The following SCFD2 variants were observed in gnomAD, a reference collection of about 807,000 sequenced individuals.
SCFD2 encodes the protein sec1 family domain-containing protein 2.
SCFD2 carries 54 observed loss-of-function variants against 58.9 expected under a neutral mutation model. The ratio of observed to expected loss-of-function variants is 0.92; its 90% CI spans 0.74 to 1.15. The LOEUF is 1.15. Among genes scored for constraint, SCFD2 ranks in the 50% most tolerant of loss-of-function variants. The probability of loss-of-function intolerance (pLI) is 0.00; values close to 1 mark genes in which losing one functional copy is unlikely to be tolerated. For missense variants in SCFD2, 805 were observed against 836.6 expected, an observed-to-expected ratio of 0.96 and a Z score of 0.47; for synonymous variants, 321 against 335.9, an observed-to-expected ratio of 0.96 and a Z score of 0.49.
chr4:52,997,160 T>A (rs1721759127), intron 5 of SCFD2, among the ~76,000 whole-genome samples: 1 of 152,140 alleles, frequency 6.6e-6, no homozygotes, highest in African/African-American at 2.4e-5. Flanking sequence ...GTCCTGGAAA[T>A]CTTTAGGACT....
In SCFD2 at chr4:53,109,658, A is replaced by T. The variant is rs576688266; in HGVS notation, c.1561+35675T>A. 6.0e-4 allele frequency among the ~76,000 whole-genome samples: 91 copies of T among 152,312 alleles called. 2 individuals carry two copies. Among genetic ancestry groups the T allele is most frequent in the Admixed American group, 5.4e-3 (83 of 15,292 alleles). ...TATAAAATACCTAGGAATACAACTC[A>T]CAACGAATGTGAAGGACGTCTTCAA... is the stretch of plus-strand genomic sequence containing the variant. On this transcript the variant is annotated intron_variant, in intron 5 of 8. Transcript: ENST00000401642.
At chr4:53,318,502 T>C (rs963260864) in intron 2 of SCFD2, among the ~76,000 whole-genome samples, 1 of 152,162 alleles carries the variant, frequency 6.6e-6, no homozygotes, top group South Asian at 2.1e-4. Flanking sequence ...TACAGACAGA[T>C]GAAAAATCTA....
At chr4:53,155,553 C>T (rs916399374) in intron 4 of SCFD2, among the ~76,000 whole-genome samples, 3 of 152,192 alleles carry the variant, frequency 2.0e-5, no homozygotes, top group African/African-American at 4.8e-5. Context: ...GGGCTCAATA[C>T]GTACTTGCTG....
intron 5 of SCFD2, among the ~76,000 whole-genome samples, chr4:53,011,065 A>AAT (rs1722083185): frequency 6.6e-6 from 1 of 152,180 alleles, no homozygotes; most frequent in Non-Finnish European, 1.5e-5. Flanking sequence ...GTCTGATTTC[A>AAT]TATTTTACAT....
intron 5 of SCFD2, among the ~76,000 whole-genome samples, chr4:53,142,920 G>A (rs1251204934): frequency 1.3e-5 from 2 of 152,132 alleles, no homozygotes; most frequent in Non-Finnish European, 2.9e-5. Context: ...CCTGTTTAAA[G>A]TGTATATCCA....
chr4:52,930,111 A>C (rs1304563249), intron 5 of SCFD2, among the ~76,000 whole-genome samples: 1 of 152,194 alleles, frequency 6.6e-6, no homozygotes, highest in African/African-American at 2.4e-5. Flanking sequence ...ACTATACTAC[A>C]AGACTACAGT....
chr4:53,047,007 T>C (rs1183117469), intron 5 of SCFD2, among the ~76,000 whole-genome samples: 1 of 152,200 alleles, frequency 6.6e-6, no homozygotes, highest in African/African-American at 2.4e-5. Flanking sequence ...GTAGTAATTA[T>C]TTTCCCAAGT....
chr4:53,153,898 C>G (rs1434375112), intron 4 of SCFD2, among the ~76,000 whole-genome samples: 1 of 152,212 alleles, frequency 6.6e-6, no homozygotes, highest in East Asian at 1.9e-4. Context: ...TCTTGCATAA[C>G]ATGAGTGACC....
chr4:53,129,473 T>C lies in SCFD2; in HGVS notation c.1561+15860A>G, dbSNP rs1342800551. 3.9e-5 allele frequency among the ~76,000 whole-genome samples: 6 copies of C among 152,220 alleles called. No homozygotes were observed. In the South Asian group the frequency reaches 6.2e-4, roughly 16 times the overall value. ...ATCAATATCAGCATGGTTGCACACA[T>C]ACATTCTCCTTCTGGCTTTAAAAAT... is the stretch of plus-strand genomic sequence containing the variant. On this transcript the variant is annotated intron_variant, in intron 5 of 8. Transcript: ENST00000401642.
intron 5 of SCFD2, among the ~76,000 whole-genome samples, chr4:53,066,985 G>A (rs185098504): frequency 1.3e-5 from 2 of 152,146 alleles, no homozygotes; most frequent in East Asian, 3.9e-4. Flanking sequence ...CTAGCACAGA[G>A]CTGGGCATGC....
At chr4:52,892,720 C>T (rs897255762) in intron 7 of SCFD2, among the ~76,000 whole-genome samples, 1 of 152,230 alleles carries the variant, frequency 6.6e-6, no homozygotes, top group African/African-American at 2.4e-5. Flanking sequence ...CTCCTCTCTG[C>T]AATCCTCAAT....
chr4:53,022,094 T>G (rs1722363151), intron 5 of SCFD2, among the ~76,000 whole-genome samples: 2 of 152,212 alleles, frequency 1.3e-5, no homozygotes, highest in Non-Finnish European at 2.9e-5. Flanking sequence ...TCCACTATAA[T>G]TTCTTGTTCT....
chr4:53,095,148 CATT>C (rs1387779509), intron 5 of SCFD2, among the ~76,000 whole-genome samples: 2 of 152,162 alleles, frequency 1.3e-5, no homozygotes, highest in Admixed American at 1.3e-4. Context: ...TTAGTGATAT[CATT>C]GTCTCATGAC....
chr4:53,136,558 C>T (rs1725948823), intron 5 of SCFD2, among the ~76,000 whole-genome samples: 1 of 152,184 alleles, frequency 6.6e-6, no homozygotes, highest in South Asian at 2.1e-4. Flanking sequence ...CAGATTTAGA[C>T]ACAATACCAT....
chr4:53,275,281 A>T (rs73149212), intron 3 of SCFD2, among the ~76,000 whole-genome samples: 18,753 of 152,190 alleles, frequency 0.12, 1,311 homozygotes, highest in East Asian at 0.21. Context: ...CTTTTCATTA[A>T]TTTTTTTGAA....
At chr4:52,990,830 TA>T (rs1394761035) in intron 5 of SCFD2, among the ~76,000 whole-genome samples, 6 of 152,198 alleles carry the variant, frequency 3.9e-5, no homozygotes, top group African/African-American at 1.4e-4. Flanking sequence ...AGAAATGCAG[TA>T]ATGATAAAGA....
chr4:52,948,350 G>A (rs1720496180), intron 5 of SCFD2: 3 of 290,180 alleles, frequency 1.0e-5, no homozygotes, highest in Non-Finnish European at 2.1e-5. Flanking sequence ...TAATGATGAT[G>A]CAGCTGCGGC....
At chr4:52,897,160 C>T (rs1035445358) in intron 7 of SCFD2, among the ~76,000 whole-genome samples, 3 of 152,160 alleles carry the variant, frequency 2.0e-5, no homozygotes, top group Admixed American at 2.0e-4. Context: ...CCTTCTCCTG[C>T]CTGATTGCCC....
At chr4:53,036,263 T>G (rs1722757695) in intron 5 of SCFD2, among the ~76,000 whole-genome samples, 1 of 151,352 alleles carries the variant, frequency 6.6e-6, no homozygotes, top group Non-Finnish European at 1.5e-5. Flanking sequence ...CCTGTGTCCA[T>G]GTGTTCTCAT....
Sources: gnomAD v4.1 joint callset for allele counts (sites outside exome capture counted in the v4.1 genomes callset) on GRCh38, gnomAD v4.1.1 for gene constraint, MANE v1.5 for transcripts, NCBI Gene and HGNC (gene_info 2026-07-23, HGNC 2026-07-21) for gene names.